The following ACYP2 variants were observed in gnomAD, a reference collection of about 807,000 sequenced individuals.
ACYP2 encodes acylphosphatase 2.
Under a neutral mutation model 11.2 loss-of-function variants are expected in ACYP2, and 12 were observed. That is an observed-to-expected ratio of 1.08 (90% CI 0.69 to 1.74). The LOEUF is 1.74. ACYP2 is among the 40% of genes most tolerant of loss of function. The probability of loss-of-function intolerance (pLI) is 0.00; values close to 1 mark genes in which losing one functional copy is unlikely to be tolerated. For missense variants in ACYP2, 134 were observed against 101.9 expected (o/e 1.31, Z -1.35); for synonymous variants, 43 against 32.2 (o/e 1.33, Z -1.13).
intron 4 of ACYP2, among the ~76,000 whole-genome samples, chr2:54,129,984 T>G (rs946624779): frequency 2.0e-4 from 31 of 151,382 alleles, no homozygotes; most frequent in African/African-American, 7.5e-4. Context: ...ACATAAATAT[T>G]TATCAGCTGG....
At chr2:54,135,339 A>G (rs767972793) in intron 4 of ACYP2, 114 bp from the exon 2 acceptor site, 21 of 883,806 alleles carry the variant, frequency 2.4e-5, no homozygotes, top group Non-Finnish European at 3.4e-5. Context: ...GTGAAACTGC[A>G]GAAGGTGAAA....
At chr2:54,200,723 A>G (rs1177477980) in intron 6 of ACYP2, among the ~76,000 whole-genome samples, 2 of 152,190 alleles carry the variant, frequency 1.3e-5, no homozygotes, top group Non-Finnish European at 2.9e-5. Flanking sequence ...ACATTCATGA[A>G]CATACTTTTG....
chr2:54,162,744 T>C lies in ACYP2; in HGVS notation c.404+23996T>C, dbSNP rs1406239713. Among the ~76,000 whole-genome samples, 6 of 152,136 alleles carry C rather than the reference T, an allele frequency of 3.9e-5. No individual in the cohort carries two copies. In the South Asian group the frequency reaches 1.0e-3, roughly 26 times the overall value. ...ACTTTTGGAGGCCAGAGGGGGAAGA[T>C]TGTTTGAGCCCAGGAGTTGGAGACC... On this transcript the variant is annotated intron_variant, in intron 6 of 6. Transcript: ENST00000607452.
At chr2:54,132,660 G>A (rs1045524785) in intron 4 of ACYP2, among the ~76,000 whole-genome samples, 8 of 151,454 alleles carry the variant, frequency 5.3e-5, no homozygotes, top group African/African-American at 1.9e-4. Flanking sequence ...ACTTCCCAGT[G>A]TATTTTTTCC....
chr2:54,074,035 A>G (rs1035999648), intron 4 of ACYP2, among the ~76,000 whole-genome samples: 2 of 152,198 alleles, frequency 1.3e-5, no homozygotes, highest in East Asian at 1.9e-4. Context: ...TGCTAGGTAT[A>G]TACCTAAAAG....
At chr2:53,982,827 A>T (rs1671834841) in intron 2 of ACYP2, among the ~76,000 whole-genome samples, 1 of 91,720 alleles carries the variant, frequency 1.1e-5, no homozygotes, top group African/African-American at 4.5e-5. Flanking sequence ...TTCACACAAG[A>T]CTGTGTGTGT....
chr2:54,088,583 C>A (rs1405152719), intron 4 of ACYP2, among the ~76,000 whole-genome samples: 1 of 152,176 alleles, frequency 6.6e-6, no homozygotes, highest in Non-Finnish European at 1.5e-5. Flanking sequence ...AACCACACCC[C>A]CTTTCTCACG....
At chr2:54,243,919 T>G (rs200926194) in intron 6 of ACYP2, among the ~76,000 whole-genome samples, 1 of 142,264 alleles carries the variant, frequency 7.0e-6, no homozygotes, top group African/African-American at 2.7e-5. Context: ...GTTGTTGCTG[T>G]TTTTTTTTTT....
intron 6 of ACYP2, among the ~76,000 whole-genome samples, chr2:54,148,900 C>CTA (rs1351899380): frequency 1.3e-5 from 2 of 152,118 alleles, no homozygotes; most frequent in African/African-American, 4.8e-5. Flanking sequence ...ACATTTGTAG[C>CTA]TATATATTAG....
At chr2:54,288,146 A>T (rs773456301) in intron 6 of ACYP2, among the ~76,000 whole-genome samples, 21 of 152,010 alleles carry the variant, frequency 1.4e-4, no homozygotes, top group Non-Finnish European at 2.8e-4. Context: ...AAATGGAAAC[A>T]AAATCACCTG....
intron 2 of ACYP2, among the ~76,000 whole-genome samples, chr2:53,987,359 A>T (rs1206121109): frequency 7.4e-6 from 1 of 135,770 alleles, no homozygotes; most frequent in Non-Finnish European, 1.6e-5. Context: ...ATACAAAGTT[A>T]AAAAAAAAAA....
chr2:54,062,722 A>C (rs1676533782), intron 4 of ACYP2, among the ~76,000 whole-genome samples: 1 of 152,258 alleles, frequency 6.6e-6, no homozygotes, highest in East Asian at 1.9e-4. Context: ...ATGAGCTCTC[A>C]ACAAATTACC....
chr2:54,151,707 T>C (rs1682178234), intron 6 of ACYP2, among the ~76,000 whole-genome samples: 1 of 152,228 alleles, frequency 6.6e-6, no homozygotes, highest in East Asian at 1.9e-4. Context: ...TTTATTTTCC[T>C]TTAGAACATA....
chr2:54,271,634 G>GTGAT (rs1288998891), intron 6 of ACYP2, among the ~76,000 whole-genome samples: 1 of 151,964 alleles, frequency 6.6e-6, no homozygotes, highest in Admixed American at 6.6e-5. Flanking sequence ...ACTGATTTGA[G>GTGAT]TGATAACCCC....
intron 4 of ACYP2, among the ~76,000 whole-genome samples, chr2:54,090,607 G>T (rs571588820): frequency 1.3e-5 from 2 of 152,202 alleles, no homozygotes; most frequent in African/African-American, 4.8e-5. Context: ...CTCCAGTCTG[G>T]GCAACAGAGT....
chr2:54,043,069 TGG>T (rs1443179347), intron 2 of ACYP2, among the ~76,000 whole-genome samples: 1 of 146,844 alleles, frequency 6.8e-6, no homozygotes, highest in Non-Finnish European at 1.5e-5. Flanking sequence ...GGGGTGTGTG[TGG>T]GGTGTGTGTG....
chr2:54,259,629 C>G (rs1302780895), intron 6 of ACYP2, among the ~76,000 whole-genome samples: 1 of 150,940 alleles, frequency 6.6e-6, no homozygotes, highest in Non-Finnish European at 1.5e-5. Context: ...ACTGGTGACT[C>G]AAAAAGAGCA....
intron 6 of ACYP2, among the ~76,000 whole-genome samples, chr2:54,210,743 G>A (rs1685300725): frequency 6.8e-6 from 1 of 148,104 alleles, no homozygotes; most frequent in East Asian, 2.0e-4. Flanking sequence ...TTTTTTTTCA[G>A]TAAAACTCTG....
intron 6 of ACYP2, among the ~76,000 whole-genome samples, chr2:54,235,857 C>G (rs1011046832): frequency 6.6e-6 from 1 of 152,144 alleles, no homozygotes; most frequent in African/African-American, 2.4e-5. Flanking sequence ...CCAACAACAA[C>G]AATAAAACTC....
Sources: allele counts gnomAD v4.1 joint callset (sites outside exome capture counted in the v4.1 genomes callset), GRCh38; gene constraint gnomAD v4.1.1; transcripts MANE v1.5; gene names NCBI Gene and HGNC (gene_info 2026-07-23, HGNC 2026-07-21).